The following PARN variants were observed in gnomAD, a reference collection of about 807,000 sequenced individuals.
PARN encodes poly(A)-specific ribonuclease PARN.
In PARN, 71 loss-of-function variants were observed where a neutral mutation model predicts 102.8. The ratio of observed to expected loss-of-function variants is 0.69; its 90% confidence interval spans 0.57 to 0.84. The LOEUF is 0.84. PARN is among the 40% of genes least tolerant of loss of function. The pLI is 0.00. For synonymous variants in PARN, 261 were observed against 252.9 expected (o/e 1.03, Z -0.30); for missense variants, 782 against 760.9 (o/e 1.03, Z -0.33).
intron 21 of PARN, among the ~76,000 whole-genome samples, chr16:14,512,471 C>A (rs72787643): frequency 0.093 from 14,090 of 152,112 alleles, 903 homozygotes; most frequent in South Asian, 0.31. Context: ...TCAGCCTGGG[C>A]AACAGAGTGA....
At chr16:14,484,933 G>C (rs1191009157) in intron 21 of PARN, among the ~76,000 whole-genome samples, 1 of 152,126 alleles carries the variant, frequency 6.6e-6, no homozygotes, top group Non-Finnish European at 1.5e-5. Flanking sequence ...CAAAGTATTA[G>C]GGAGGCAGGG....
At chr16:14,610,309 C>A (rs1043726372) in intron 7 of PARN, among the ~76,000 whole-genome samples, 2 of 151,804 alleles carry the variant, frequency 1.3e-5, no homozygotes, top group Admixed American at 6.6e-5. Flanking sequence ...CTCGTCTCTA[C>A]TAAAAATATA....
intron 21 of PARN, among the ~76,000 whole-genome samples, chr16:14,506,446 A>G (rs1964899321): frequency 1.3e-5 from 2 of 152,216 alleles, no homozygotes; most frequent in Non-Finnish European, 1.5e-5. Context: ...AAATTTCCTG[A>G]GTGTGATAAA....
At chr16:14,523,256 C>G (rs1210796157) in intron 21 of PARN, among the ~76,000 whole-genome samples, 1 of 148,798 alleles carries the variant, frequency 6.7e-6, no homozygotes, top group Non-Finnish European at 1.5e-5. Context: ...CACACACACA[C>G]AAACTATACA....
chr16:14,602,273 G>A (rs895603487), intron 11 of PARN, among the ~76,000 whole-genome samples: 2 of 151,974 alleles, frequency 1.3e-5, no homozygotes, highest in Non-Finnish European at 2.9e-5. Context: ...TAATCTCCCG[G>A]TACATTTTGT....
Position 14,508,718 on chromosome 16 carries a change from T to C in PARN, c.1481-25891A>G, listed in dbSNP as rs546149512. 2.4e-3 allele frequency among the ~76,000 whole-genome samples: 362 copies of C among 151,324 alleles called. 1 individual carries two copies. Among genetic ancestry groups the C allele is most frequent in the Non-Finnish European group, 4.0e-3 (274 of 67,880 alleles). On this transcript the variant is annotated intron_variant, in intron 21 of 23. Coordinates refer to ENST00000437198, the MANE Select transcript of PARN (RefSeq NM_002582.4). ...ACATTTGATAGAATTTTAAAATTAT[T>C]CAATGTTGTATGTGGAAACTTGAAA...
intron 22 of PARN, among the ~76,000 whole-genome samples, chr16:14,470,705 C>A (rs1036085452): frequency 3.3e-5 from 5 of 152,124 alleles, no homozygotes; most frequent in African/African-American, 7.2e-5. Flanking sequence ...GTGATCTGCC[C>A]ATCTCAGCAT....
intron 6 of PARN, among the ~76,000 whole-genome samples, chr16:14,614,549 C>T (rs1971747018): frequency 6.6e-6 from 1 of 152,048 alleles, no homozygotes; most frequent in Non-Finnish European, 1.5e-5. Context: ...ATGGTGGCTC[C>T]CGTACAAAAG....
At chr16:14,484,621 C>A (rs1011458804) in intron 21 of PARN, among the ~76,000 whole-genome samples, 4 of 152,180 alleles carry the variant, frequency 2.6e-5, no homozygotes, top group African/African-American at 4.8e-5. Flanking sequence ...CACGTCGGCA[C>A]TGGACAAGGG....
At position 14,598,552 on chromosome 16, in the gene PARN, T is replaced by C. The variant is rs1353234140; in HGVS notation, c.840+1352A>G. 3.9e-5 allele frequency among the ~76,000 whole-genome samples: 6 copies of C among 152,306 alleles called. No homozygotes were observed. In the South Asian group the frequency reaches 8.3e-4, roughly 21 times the overall value. ...GCTAGGTGTGCACAACATGAGCAAATGGAACCAGAAACTCAACTCTGCTTT... is the reference window on the plus strand; with the variant it reads ...GCTAGGTGTGCACAACATGAGCAAACGGAACCAGAAACTCAACTCTGCTTT... On this transcript the variant is annotated intron_variant, in intron 12 of 23. Coordinates refer to ENST00000437198, the MANE Select transcript of PARN (RefSeq NM_002582.4).
chr16:14,519,731 C>T (rs1456059709), intron 21 of PARN, among the ~76,000 whole-genome samples: 1 of 152,196 alleles, frequency 6.6e-6, no homozygotes, highest in East Asian at 1.9e-4. Flanking sequence ...AACAAACTAA[C>T]TGGCCACTAC....
At chr16:14,538,497 A>C (rs1966711757) in intron 21 of PARN, among the ~76,000 whole-genome samples, 1 of 152,172 alleles carries the variant, frequency 6.6e-6, no homozygotes, top group African/African-American at 2.4e-5. Context: ...CTGGGATTAC[A>C]GGTGTCAGCC....
At chr16:14,495,630 G>A (rs1423314676) in intron 21 of PARN, among the ~76,000 whole-genome samples, 1 of 152,212 alleles carries the variant, frequency 6.6e-6, no homozygotes, top group Non-Finnish European at 1.5e-5. Context: ...CGGTAAGGGT[G>A]GTGACTGCAG....
At chr16:14,465,212 C>T (rs1279113927) in intron 22 of PARN, among the ~76,000 whole-genome samples, 1 of 152,060 alleles carries the variant, frequency 6.6e-6, no homozygotes, top group Non-Finnish European at 1.5e-5. Context: ...GGACTACAGG[C>T]ATGTGACACT....
At chr16:14,484,398 T>C (rs1228843260) in intron 21 of PARN, among the ~76,000 whole-genome samples, 1 of 152,196 alleles carries the variant, frequency 6.6e-6, no homozygotes, top group East Asian at 1.9e-4. Context: ...TGCCAACAAC[T>C]ATTACCCACA....
At chr16:14,582,705 G>A (rs778203797) in intron 16 of PARN, among the ~76,000 whole-genome samples, 5 of 151,956 alleles carry the variant, frequency 3.3e-5, no homozygotes, top group Non-Finnish European at 5.9e-5. Flanking sequence ...AAGAGCATGG[G>A]CTCTGGAGTC....
chr16:14,494,712 T>C (rs1205150163), intron 21 of PARN, among the ~76,000 whole-genome samples: 1 of 152,126 alleles, frequency 6.6e-6, no homozygotes, highest in Non-Finnish European at 1.5e-5. Context: ...TGTGGTCAGA[T>C]CTCCTCCTCC....
intron 8 of PARN, 32 bp from the exon 9 acceptor site, chr16:14,608,351 G>C: frequency 7.0e-7 from 1 of 1,436,482 alleles, no homozygotes; most frequent in Non-Finnish European, 9.5e-7. Flanking sequence ...TATTGATTTT[G>C]GCTCATTAGA....
rs1967338802 is a variant in PARN, at chr16:14,552,064, T to C, written c.1437A>G (p.Thr479=). 3.7e-6 allele frequency: 6 copies of C among 1,612,296 alleles called. No homozygotes were observed. The highest frequency in any genetic ancestry group is 5.1e-6 in the Non-Finnish European group (6 of 1,178,638). The part of the protein sequence containing the change: ...GNIQISWIDD[T]SAFVSLSQPE... ...GCTGGCTAAGGGAAACAAATGCTGA[T>C]GTGTCATCAATCCAGGATATCTGAA... The change falls in exon 21 of 24, where the codon ACA becomes ACG. Residue 479 remains threonine (T), a synonymous_variant. Coordinates refer to ENST00000437198, the MANE Select transcript of PARN (RefSeq NM_002582.4).
Sources: allele counts gnomAD v4.1 joint callset (sites outside exome capture counted in the v4.1 genomes callset), GRCh38; gene constraint gnomAD v4.1.1; transcripts MANE v1.5; gene names NCBI Gene and HGNC (gene_info 2026-07-23, HGNC 2026-07-21).